PAX7: variants seen among roughly 807,000 people sequenced by gnomAD.
The protein encoded by PAX7 is paired box 7.
A neutral mutation model predicts 50.7 loss-of-function variants in PAX7; 18 were observed. The ratio of observed to expected loss-of-function variants is 0.36; its 90% confidence interval spans 0.25 to 0.53. The LOEUF (loss-of-function observed/expected upper bound fraction) is 0.53. Among genes scored for constraint, PAX7 ranks in the 20% least tolerant of loss-of-function variants. PAX7 has a pLI of 0.93. For missense variants in PAX7, 644 were observed against 702.9 expected (o/e 0.92, Z 0.95); for synonymous variants, 310 against 290.4 (o/e 1.07, Z -0.69).
chr1:18,699,975 A>G (rs561663683), intron 5 of PAX7, among the ~76,000 whole-genome samples: 1 of 152,240 alleles, frequency 6.6e-6, no homozygotes, highest in South Asian at 2.1e-4. Flanking sequence ...GGAATAGGAG[A>G]ATACGTCTCA....
intron 4 of PAX7, among the ~76,000 whole-genome samples, chr1:18,641,106 G>T (rs918959709): frequency 6.6e-6 from 1 of 152,252 alleles, no homozygotes; most frequent in Non-Finnish European, 1.5e-5. Context: ...CAGAACCCGC[G>T]GTAAATAAAC....
intron 8 of PAX7, among the ~76,000 whole-genome samples, chr1:18,744,469 TG>T (rs61097250): frequency 2.4e-4 from 18 of 73,584 alleles, no homozygotes; most frequent in Middle Eastern, 8.9e-3. Context: ...GATGGATGGA[TG>T]GATGGATGGA....
chr1:18,708,835 T>C (rs911270606), intron 7 of PAX7, among the ~76,000 whole-genome samples: 12 of 152,132 alleles, frequency 7.9e-5, no homozygotes, highest in Non-Finnish European at 4.4e-5. Flanking sequence ...CATCCTTAGA[T>C]GCCTTAGTCT....
At position 18,719,329 on chromosome 1, in the gene PAX7, G is replaced by A. The variant is rs116304056; in HGVS notation, c.1155+16033G>A. Among the ~76,000 whole-genome samples the A allele has an allele frequency of 8.2e-3, 1,250 of 152,326 alleles. 7 individuals are homozygous for A. Among genetic ancestry groups the A allele is most frequent in the Non-Finnish European group, 0.012 (836 of 68,034 alleles). On this transcript the variant is annotated intron_variant, in intron 7 of 8. Coordinates refer to ENST00000420770, the MANE Select transcript of PAX7 (RefSeq NM_001135254.2). ...ATGAGTGCTGGATGAGGAGACGGGA[G>A]ACCTGGGTGGGGCTTTTGAGGGAGA...
At chr1:18,689,460 A>G (rs1253864056) in intron 4 of PAX7, among the ~76,000 whole-genome samples, 2 of 152,026 alleles carry the variant, frequency 1.3e-5, no homozygotes, top group Admixed American at 6.5e-5. Context: ...GGCAGGGGTT[A>G]GATCTGACTC....
chr1:18,710,076 A>G (rs1466898001), intron 7 of PAX7, among the ~76,000 whole-genome samples: 1 of 152,250 alleles, frequency 6.6e-6, no homozygotes, highest in Non-Finnish European at 1.5e-5. Flanking sequence ...CAGCAAGAAA[A>G]GACATTCCAT....
At chr1:18,714,743 G>A (rs1290543550) in intron 7 of PAX7, among the ~76,000 whole-genome samples, 12 of 152,218 alleles carry the variant, frequency 7.9e-5, no homozygotes, top group African/African-American at 1.2e-4. Flanking sequence ...CCAGATCTGC[G>A]GGCAGGGCTG....
At chr1:18,725,302 G>GC (rs3216186) in intron 7 of PAX7, among the ~76,000 whole-genome samples, 2,355 of 106,256 alleles carry the variant, frequency 0.022, 130 homozygotes, top group Non-Finnish European at 0.031. Flanking sequence ...AGGTGGAGAC[G>GC]CCCCCCCCCC....
At chr1:18,718,683 GC>G (rs1171771442) in intron 7 of PAX7, among the ~76,000 whole-genome samples, 1 of 149,842 alleles carries the variant, frequency 6.7e-6, no homozygotes, top group African/African-American at 2.5e-5. Flanking sequence ...TCGCTGTGTC[GC>G]CAGGCTGGAG....
chr1:18,660,189 A>T (rs1476431133), intron 4 of PAX7, among the ~76,000 whole-genome samples: 1 of 151,846 alleles, frequency 6.6e-6, no homozygotes, highest in African/African-American at 2.4e-5. Flanking sequence ...TGGCTCTTTG[A>T]CTTAGACCAA....
intron 7 of PAX7, among the ~76,000 whole-genome samples, chr1:18,708,028 C>G (rs550106632): frequency 1.3e-3 from 202 of 152,224 alleles, no homozygotes; most frequent in African/African-American, 4.6e-3. Context: ...CTCCCCTACC[C>G]ACCCAAGCCC....
chr1:18,674,681 A>T (rs2100248319), intron 4 of PAX7, among the ~76,000 whole-genome samples: 1 of 152,318 alleles, frequency 6.6e-6, no homozygotes, highest in Non-Finnish European at 1.5e-5. Context: ...AGGGCATGGC[A>T]CCGCTGTCTG....
intron 4 of PAX7, among the ~76,000 whole-genome samples, chr1:18,683,264 G>A (rs2088923644): frequency 6.6e-6 from 1 of 152,222 alleles, no homozygotes; most frequent in African/African-American, 2.4e-5. Context: ...TCTCAGCAAT[G>A]AGAATGCAGC....
intron 4 of PAX7, among the ~76,000 whole-genome samples, chr1:18,643,676 G>A (rs2088293864): frequency 6.6e-6 from 1 of 152,200 alleles, no homozygotes; most frequent in South Asian, 2.1e-4. Context: ...GGAGGCGGGC[G>A]AGCCGCGGCC....
At chr1:18,655,260 C>G (rs573461544) in intron 4 of PAX7, among the ~76,000 whole-genome samples, 152 of 152,338 alleles carry the variant, frequency 1.0e-3, no homozygotes, top group Middle Eastern at 3.4e-3. Flanking sequence ...GCGGCCGGTC[C>G]CAGCCCATGA....
intron 7 of PAX7, among the ~76,000 whole-genome samples, chr1:18,728,513 A>C (rs1238706581): frequency 6.6e-6 from 1 of 151,900 alleles, no homozygotes; most frequent in Non-Finnish European, 1.5e-5. Context: ...TGATGTCTTG[A>C]GACTAGTGGC....
At chr1:18,694,450 ACT>A (rs2100302918) in intron 5 of PAX7, among the ~76,000 whole-genome samples, 2 of 149,456 alleles carry the variant, frequency 1.3e-5, no homozygotes, top group East Asian at 3.9e-4. Context: ...CAAGAGCAAA[ACT>A]CTGTCTCGAA....
intron 5 of PAX7, among the ~76,000 whole-genome samples, chr1:18,693,328 C>T (rs1433633173): frequency 6.6e-6 from 1 of 152,154 alleles, no homozygotes; most frequent in African/African-American, 2.4e-5. Flanking sequence ...CTAGTGGAAG[C>T]TCAGACCACC....
intron 7 of PAX7, among the ~76,000 whole-genome samples, chr1:18,712,057 G>A (rs1023229977): frequency 6.6e-6 from 1 of 151,916 alleles, no homozygotes; most frequent in African/African-American, 2.4e-5. Context: ...TTTTTCCCCC[G>A]GTTCTCTTGG....
Sources: gnomAD v4.1 joint callset for allele counts (sites outside exome capture counted in the v4.1 genomes callset) on GRCh38, gnomAD v4.1.1 for gene constraint, MANE v1.5 for transcripts, NCBI Gene and HGNC (gene_info 2026-07-23, HGNC 2026-07-21) for gene names.